CAMTA1: variants seen among roughly 807,000 people sequenced by gnomAD.
CAMTA1 encodes the protein calmodulin-binding transcription activator 1.
In CAMTA1, 27 loss-of-function variants were observed where a neutral mutation model predicts 170.9. That is an observed-to-expected ratio of 0.16 (90% CI 0.12 to 0.22). CAMTA1 has a LOEUF of 0.22. Ranked by LOEUF, CAMTA1 falls within the 10% of genes least tolerant of loss-of-function variation. The pLI, the probability that CAMTA1 is intolerant of heterozygous loss-of-function variation, is 1.00. For missense variants in CAMTA1, 1,619 were observed against 2,217.2 expected, an observed-to-expected ratio of 0.73 and a Z score of 5.42; for synonymous variants, 833 against 891.5, an observed-to-expected ratio of 0.93 and a Z score of 1.17.
At chr1:7,083,172 C>T (rs1400432620) in intron 3 of CAMTA1, among the ~76,000 whole-genome samples, 1 of 152,168 alleles carries the variant, frequency 6.6e-6, no homozygotes, top group Non-Finnish European at 1.5e-5. Flanking sequence ...CAATAACAGA[C>T]AGCCAGTGGG....
intron 4 of CAMTA1, among the ~76,000 whole-genome samples, chr1:7,118,955 G>A (rs888907624): frequency 1.3e-5 from 2 of 152,106 alleles, no homozygotes; most frequent in Admixed American, 6.6e-5. Context: ...AGTAGCGTGC[G>A]GCATGTGTAA....
intron 4 of CAMTA1, among the ~76,000 whole-genome samples, chr1:7,219,697 A>G (rs1044936960): frequency 1.3e-5 from 2 of 151,854 alleles, no homozygotes; most frequent in African/African-American, 4.8e-5. Flanking sequence ...GTTTAGGTGA[A>G]GTTGTGAGGG....
At chr1:7,198,614 G>A (rs549051703) in intron 4 of CAMTA1, among the ~76,000 whole-genome samples, 56 of 152,162 alleles carry the variant, frequency 3.7e-4, no homozygotes, top group African/African-American at 1.3e-3. Flanking sequence ...CCTTGGCCAC[G>A]CTGCGCTGGC....
At chr1:7,399,578 T>G (rs2089726690) in intron 5 of CAMTA1, among the ~76,000 whole-genome samples, 1 of 152,234 alleles carries the variant, frequency 6.6e-6, no homozygotes. Context: ...CGTGAGATTA[T>G]GCTTTCATAT....
chr1:7,377,006 C>T (rs1194077664), intron 5 of CAMTA1, among the ~76,000 whole-genome samples: 1 of 152,158 alleles, frequency 6.6e-6, no homozygotes, highest in African/African-American at 2.4e-5. Context: ...CTGAAAAGTG[C>T]TCTGCCCAGG....
At chr1:7,477,006 T>C (rs986650028) in intron 6 of CAMTA1, among the ~76,000 whole-genome samples, 3 of 152,222 alleles carry the variant, frequency 2.0e-5, no homozygotes, top group Admixed American at 2.0e-4. Context: ...TCACAGACCT[T>C]GCAGGAAAGA....
At chr1:7,481,172 C>T (rs922819723) in intron 6 of CAMTA1, among the ~76,000 whole-genome samples, 9 of 152,226 alleles carry the variant, frequency 5.9e-5, no homozygotes, top group Admixed American at 2.0e-4. Context: ...GCCTGTGCTG[C>T]ACTCTCCACA....
chr1:7,498,588 T>C (rs1359672881), intron 6 of CAMTA1, among the ~76,000 whole-genome samples: 1 of 152,020 alleles, frequency 6.6e-6, no homozygotes, highest in East Asian at 1.9e-4. Flanking sequence ...TGTGCATGTG[T>C]GTGTACGTGT....
chr1:7,265,660 A>C (rs1469637638), intron 5 of CAMTA1, among the ~76,000 whole-genome samples: 3 of 152,242 alleles, frequency 2.0e-5, no homozygotes, highest in Admixed American at 1.3e-4. Context: ...TGTGGATTAC[A>C]TGTTGAAATA....
chr1:7,505,979 C>A (rs569250119), intron 6 of CAMTA1, among the ~76,000 whole-genome samples: 1 of 152,268 alleles, frequency 6.6e-6, no homozygotes, highest in African/African-American at 2.4e-5. Context: ...GGGCAGGCTG[C>A]AGCAGTGTGG....
At chr1:7,279,129 A>G (rs940882622) in intron 5 of CAMTA1, among the ~76,000 whole-genome samples, 1 of 152,198 alleles carries the variant, frequency 6.6e-6, no homozygotes, top group Non-Finnish European at 1.5e-5. Context: ...GCTGGTGAGC[A>G]GGTGGGCACT....
intron 3 of CAMTA1, among the ~76,000 whole-genome samples, chr1:7,017,169 A>C (rs1483705391): frequency 6.6e-6 from 1 of 152,250 alleles, no homozygotes; most frequent in Non-Finnish European, 1.5e-5. Context: ...CTGGTGCTAC[A>C]GAAGAATGAA....
chr1:7,054,889 G>A (rs1008312477), intron 3 of CAMTA1, among the ~76,000 whole-genome samples: 3 of 152,126 alleles, frequency 2.0e-5, no homozygotes, highest in African/African-American at 7.2e-5. Context: ...GCATAGTGCC[G>A]GCATCTGCTC....
chr1:7,317,165 G>A (rs1480958896), intron 5 of CAMTA1, among the ~76,000 whole-genome samples: 2 of 152,186 alleles, frequency 1.3e-5, no homozygotes, highest in Non-Finnish European at 2.9e-5. Flanking sequence ...CCTAGGATGG[G>A]GAAGGGACCA....
chr1:6,856,980 A>G (rs916361306), intron 3 of CAMTA1, among the ~76,000 whole-genome samples: 3 of 152,060 alleles, frequency 2.0e-5, no homozygotes, highest in African/African-American at 7.2e-5. Context: ...GGGTCATGCT[A>G]CTCACAGCCA....
rs1164540110 is a variant in CAMTA1, at chr1:6,970,164, T to C, written c.235-121140T>C. On this transcript the variant is annotated intron_variant, in intron 3 of 22. Transcript: ENST00000303635. This position sits in a 1 kb window ranked among gnomAD's most constrained non-coding sequence, Gnocchi z 4.4. ...AATGTATTTTTGTTATAAAATTATA[T>C]AATAATCTTCCAGAAATTGAGGGAC... 6.6e-6 allele frequency among the ~76,000 whole-genome samples: 1 copy of C among 152,250 alleles called. No individual in the cohort carries two copies. Among genetic ancestry groups the C allele is most frequent in the Non-Finnish European group, 1.5e-5 (1 of 68,044 alleles).
At chr1:7,666,057 T>A (rs1355682329) in intron 9 of CAMTA1, among the ~76,000 whole-genome samples, 1 of 151,584 alleles carries the variant, frequency 6.6e-6, no homozygotes, top group Admixed American at 6.6e-5. Flanking sequence ...TAATCCCAGC[T>A]ACTCGGGAGG....
At chr1:6,865,491 G>T (rs1666284956) in intron 3 of CAMTA1, among the ~76,000 whole-genome samples, 1 of 152,118 alleles carries the variant, frequency 6.6e-6, no homozygotes, top group African/African-American at 2.4e-5. Flanking sequence ...TTTGAATTCT[G>T]GCTCTACCAT....
chr1:6,892,723 C>T (rs1022151486), intron 3 of CAMTA1, among the ~76,000 whole-genome samples: 1 of 150,024 alleles, frequency 6.7e-6, no homozygotes, highest in African/African-American at 2.4e-5. Flanking sequence ...TCATTTTCAA[C>T]TAGGTCTCCG....
Sources: allele counts gnomAD v4.1 joint callset (sites outside exome capture counted in the v4.1 genomes callset), GRCh38; gene constraint gnomAD v4.1.1; non-coding constraint Gnocchi (gnomAD v3.1); transcripts MANE v1.5; gene names NCBI Gene and HGNC (gene_info 2026-07-23, HGNC 2026-07-21).